RAP1GAP2: variants seen among roughly 807,000 people sequenced by gnomAD.
The protein encoded by RAP1GAP2 is RAP1 GTPase activating protein 2.
Under a neutral mutation model 95.0 loss-of-function variants are expected in RAP1GAP2, and 27 were observed. The ratio of observed to expected loss-of-function variants is 0.28; its 90% CI spans 0.21 to 0.39. The LOEUF is 0.39. Ranked by LOEUF, RAP1GAP2 falls within the 10% of genes least tolerant of loss-of-function variation. The pLI, the probability that RAP1GAP2 is intolerant of heterozygous loss-of-function variation, is 1.00. For missense variants in RAP1GAP2, 771 were observed against 970.0 expected (o/e 0.79, Z 2.72); for synonymous variants, 373 against 380.9 (o/e 0.98, Z 0.24).
chr17:2,994,542 T>G (rs2045888530), intron 12 of RAP1GAP2, among the ~76,000 whole-genome samples: 1 of 152,210 alleles, frequency 6.6e-6, no homozygotes, highest in Admixed American at 6.5e-5. Flanking sequence ...TAGGCAGAAG[T>G]TGAGCATCTG....
At chr17:2,877,984 T>C (rs2073154355) in intron 2 of RAP1GAP2, among the ~76,000 whole-genome samples, 1 of 151,748 alleles carries the variant, frequency 6.6e-6, no homozygotes, top group South Asian at 2.1e-4. Context: ...TTGGGGTGCA[T>C]TGACTGAGCT....
chr17:2,954,046 T>G (rs1362547141), intron 3 of RAP1GAP2, among the ~76,000 whole-genome samples: 1 of 152,200 alleles, frequency 6.6e-6, no homozygotes, highest in Non-Finnish European at 1.5e-5. Context: ...CTCTATGAGG[T>G]TGCATACTCT....
At chr17:2,890,412 T>G (rs1326490783) in intron 2 of RAP1GAP2, among the ~76,000 whole-genome samples, 2 of 152,160 alleles carry the variant, frequency 1.3e-5, no homozygotes, top group Non-Finnish European at 2.9e-5. Flanking sequence ...TCAGAAGAGT[T>G]AAGACTTAAG....
At chr17:2,767,976 T>C (rs143046936) in intron 1 of RAP1GAP2, among the ~76,000 whole-genome samples, 150 of 152,214 alleles carry the variant, frequency 9.9e-4, no homozygotes, top group African/African-American at 3.5e-3. Context: ...TCGTGATCCA[T>C]CTGCCTCGGC....
At position 2,957,764 on chromosome 17, in the gene RAP1GAP2, G is replaced by A. The variant is rs552597974; in HGVS notation, c.171G>A (p.Ser57=). The change falls in exon 4 of 25, where the codon TCG becomes TCA. Residue 57 remains serine (S), a synonymous_variant. Transcript: ENST00000254695. ...CCCCTGCTTTTGTCTTTCAGTCGTC[G>A]GAGTTCTTTGAGATGCTGGAGAAAA... ...PLTAPPTMKS[S]EFFEMLEKMQ... is the part of the protein sequence containing the mutation. The A allele has an allele frequency of 4.0e-5, 64 of 1,607,460 alleles. No homozygotes were observed. Among genetic ancestry groups the A allele is most frequent in the East Asian group, 3.4e-4 (15 of 44,178 alleles).
chr17:2,756,559 GCCTGCACAGC>G (rs2151751831), intron 1 of RAP1GAP2, among the ~76,000 whole-genome samples: 1 of 152,290 alleles, frequency 6.6e-6, no homozygotes, highest in African/African-American at 2.4e-5. Context: ...GCTTAGGGCA[GCCTGCACAGC>G]CCTCCCCGGA....
At chr17:2,840,542 T>C (rs993833157) in intron 2 of RAP1GAP2, among the ~76,000 whole-genome samples, 1 of 152,082 alleles carries the variant, frequency 6.6e-6, no homozygotes, top group Non-Finnish European at 1.5e-5. Flanking sequence ...TCTTTTCTTT[T>C]TTCGCTATGT....
chr17:2,833,986 C>G (rs2071022270), intron 2 of RAP1GAP2, among the ~76,000 whole-genome samples: 1 of 152,134 alleles, frequency 6.6e-6, no homozygotes, highest in Non-Finnish European at 1.5e-5. Flanking sequence ...GTGCTGTACC[C>G]TCCGCCCAGA....
At chr17:2,936,074 C>A (rs2043299802) in intron 3 of RAP1GAP2, among the ~76,000 whole-genome samples, 1 of 151,714 alleles carries the variant, frequency 6.6e-6, no homozygotes, top group Admixed American at 6.6e-5. Context: ...CCTGTCTCCA[C>A]CTCCAGTGGC....
At position 3,027,085 on chromosome 17, in the gene RAP1GAP2, G is replaced by A. The variant is rs759202601; in HGVS notation, c.2107+15G>A. ...GAGTCCCACAGGTCAGTGGCATCTG[G>A]TGGTGTGTGTGACGTCACCAGGAGG... On this transcript the variant is annotated intron_variant, in intron 22 of 24. Coordinates refer to ENST00000254695, the MANE Select transcript of RAP1GAP2 (RefSeq NM_015085.5). The surrounding 1 kb of genome is among the most constrained non-coding windows in gnomAD (Gnocchi z 5.2). 3 of 1,566,916 alleles carry A rather than the reference G, an allele frequency of 1.9e-6. No homozygotes were observed. The African/African-American group carries it at 4.1e-5, about 21-fold the overall frequency.
At position 3,004,562 on chromosome 17, in the gene RAP1GAP2, GTGTGGGGCCCGTCCCACGCC is replaced by G. The variant is rs1352042106; in HGVS notation, c.1201-804_1201-785del. On this transcript the variant is annotated intron_variant, in intron 14 of 24. Transcript: ENST00000254695. This position sits in a 1 kb window ranked among gnomAD's most constrained non-coding sequence, Gnocchi z 4.1. ...CACCTCTGTGCAGAGGGAAGGCGGGGTGTGGGGCCCGTCCCACGCCTGGGCGACCCCCATGCAGCGAACCT... is the reference window on the plus strand; with the variant it reads ...CACCTCTGTGCAGAGGGAAGGCGGGGTGGGCGACCCCCATGCAGCGAACCT... Among the ~76,000 whole-genome samples the G allele has an allele frequency of 6.6e-6, 1 of 152,278 alleles. No individual in the cohort carries two copies. Among genetic ancestry groups the G allele is most frequent in the African/African-American group, 2.4e-5 (1 of 41,482 alleles).
chr17:2,826,388 G>C (rs959916231), intron 2 of RAP1GAP2, among the ~76,000 whole-genome samples: 1 of 151,750 alleles, frequency 6.6e-6, no homozygotes, highest in Non-Finnish European at 1.5e-5. Flanking sequence ...GGTGAGCCAG[G>C]CTCTCGAAAT....
At chr17:3,022,215 C>A (rs1597896339) in intron 19 of RAP1GAP2, among the ~76,000 whole-genome samples, 1 of 152,062 alleles carries the variant, frequency 6.6e-6, no homozygotes, top group Non-Finnish European at 1.5e-5. Context: ...ATTGTGGTTC[C>A]CGTGGTGGGG....
chr17:2,899,701 G>T (rs1438048082), intron 2 of RAP1GAP2, among the ~76,000 whole-genome samples: 1 of 151,766 alleles, frequency 6.6e-6, no homozygotes, highest in Admixed American at 6.6e-5. Flanking sequence ...TAGTGAGATG[G>T]GGTTTCGCCA....
chr17:2,941,273 G>T (rs900386579), intron 3 of RAP1GAP2, among the ~76,000 whole-genome samples: 1 of 152,060 alleles, frequency 6.6e-6, no homozygotes, highest in African/African-American at 2.4e-5. Flanking sequence ...ATGGTGGCAC[G>T]TGCTTGTAAT....
chr17:2,962,672 G>C lies in RAP1GAP2; in HGVS notation c.204G>C (p.Gly68=), dbSNP rs1222732879. 10 of 1,591,824 alleles carry C rather than the reference G, an allele frequency of 6.3e-6. No individual in the cohort carries two copies. Among genetic ancestry groups the C allele is most frequent in the Non-Finnish European group, 7.7e-6 (9 of 1,170,216 alleles). Residue 68 remains glycine, a splice_region_variant and synonymous_variant, in exon 5 of 25, where the codon GGG becomes GGC. Coordinates refer to ENST00000254695, the MANE Select transcript of RAP1GAP2 (RefSeq NM_015085.5). ...TCCTGTTTTCCTTGTTTCTATAGGG[G>C]ATCAAGCTTGAAGAGCAGAAGCCGG... ...EFFEMLEKMQ[G]IKLEEQKPGP...
chr17:2,948,363 G>T (rs2043785760), intron 3 of RAP1GAP2, among the ~76,000 whole-genome samples: 1 of 152,250 alleles, frequency 6.6e-6, no homozygotes, highest in South Asian at 2.1e-4. Context: ...GGTGGGGCCA[G>T]TGAGAGTCAC....
intron 11 of RAP1GAP2, among the ~76,000 whole-genome samples, chr17:2,985,374 G>C (rs1230412863): frequency 6.6e-6 from 1 of 151,978 alleles, no homozygotes; most frequent in Admixed American, 6.6e-5. Context: ...AACCAGACTA[G>C]GTCAAGGGAA....
In RAP1GAP2 at chr17:2,817,522, TAG is replaced by T. The variant is rs1567675035; in HGVS notation, c.80+16973_80+16974del. Among the ~76,000 whole-genome samples, 5 of 114,888 alleles carry T rather than the reference TAG, an allele frequency of 4.4e-5. 1 individual carries two copies. Among genetic ancestry groups the T allele is most frequent in the Non-Finnish European group, 1.0e-4 (5 of 48,038 alleles). The allele number at this position is 114,888 out of a possible 152,430, so 75.4% of individuals were successfully genotyped here. ...GCTGATCGTATGGCAATTCTATGTATAGTTTTTTTTTTTTTTGAGGCAGGGTT... is the reference window on the plus strand; with the variant it reads ...GCTGATCGTATGGCAATTCTATGTATTTTTTTTTTTTTTTGAGGCAGGGTT... On this transcript the variant is annotated intron_variant, in intron 2 of 24. Transcript: ENST00000254695.
Sources: allele counts gnomAD v4.1 joint callset (sites outside exome capture counted in the v4.1 genomes callset), GRCh38; gene constraint gnomAD v4.1.1; non-coding constraint Gnocchi (gnomAD v3.1); transcripts MANE v1.5; gene names NCBI Gene and HGNC (gene_info 2026-07-23, HGNC 2026-07-21).